The following CD226 variants were observed in gnomAD, a reference collection of about 807,000 sequenced individuals.
CD226 encodes the protein CD226 antigen.
A neutral mutation model predicts 34.9 loss-of-function variants in CD226; 24 were observed. The ratio of observed to expected loss-of-function variants is 0.69; its 90% CI spans 0.50 to 0.97. The LOEUF (loss-of-function observed/expected upper bound fraction) is 0.97, where lower values mean the gene tolerates loss of function less well. CD226 is among the 50% of genes least tolerant of loss of function. The pLI, the probability that CD226 is intolerant of heterozygous loss-of-function variation, is 0.00. For synonymous variants in CD226, 148 were observed against 147.4 expected (o/e 1.00, Z -0.03); for missense variants, 397 against 412.7 (o/e 0.96, Z 0.33).
rs79926293 is a variant in CD226 at position 69,889,705 on chromosome 18, T to C, written c.727+5996A>G. Among the ~76,000 whole-genome samples, 959 of 152,322 alleles carry C rather than the reference T, an allele frequency of 6.3e-3. 32 individuals are homozygous for C. In the East Asian group the frequency reaches 0.093, roughly 15 times the overall value. On this transcript the variant is annotated intron_variant, in intron 3 of 5. Coordinates refer to ENST00000582621, the MANE Select transcript of CD226 (RefSeq NM_001303618.2). ...ATCTACAGGCAAGATTTATAATCTGTATAAATAAGATGTATCATCTATATA... is the reference window on the plus strand; with the variant it reads ...ATCTACAGGCAAGATTTATAATCTGCATAAATAAGATGTATCATCTATATA...
In CD226 at chr18:69,946,675, G is replaced by A. The variant is rs1161237961; in HGVS notation, c.382+59C>T. The A allele has an allele frequency of 3.5e-6, 4 of 1,148,320 alleles. No individual in the cohort carries two copies. In the East Asian group the frequency reaches 9.4e-5, roughly 27 times the overall value. 71.1% of individuals were successfully genotyped at this position (1,148,320 alleles called of 1,614,324 possible). ...CTATAGCTTCTACTTGGGCTTTATA[G>A]AAATAAATGTTGTAAGTGGATAAAA... On this transcript the variant is annotated intron_variant, in intron 2 of 5. Coordinates refer to ENST00000582621, the MANE Select transcript of CD226 (RefSeq NM_001303618.2).
In CD226 at chr18:69,947,063, C is replaced by A. The variant is rs1274908347; in HGVS notation, c.53G>T (p.Cys18Phe). Residue 18 changes from cysteine (C) to phenylalanine (F), a missense_variant, in exon 2 of 6, where the codon TGT becomes TTT. Coordinates refer to ENST00000582621, the MANE Select transcript of CD226 (RefSeq NM_001303618.2). ...LALLHVYRAL[C>F]EEVLWHTSVP... ...TGATGTATGCCAAAGCACCTCTTCA[C>A]ATAGAGCTGAAATATACAACATCAC... 1.2e-6 allele frequency: 2 copies of A among 1,612,178 alleles called. No homozygotes were observed. The highest frequency in any genetic ancestry group is 1.7e-6 in the Non-Finnish European group (2 of 1,178,412).
chr18:69,955,849 C>T (rs1307493009), intron 1 of CD226, among the ~76,000 whole-genome samples: 1 of 110,780 alleles, frequency 9.0e-6, no homozygotes, highest in African/African-American at 3.4e-5. Context: ...GGCAAAGGAG[C>T]GAGACTCCAT....
At chr18:69,867,750 T>C (rs1467214511) in intron 4 of CD226, among the ~76,000 whole-genome samples, 1 of 152,228 alleles carries the variant, frequency 6.6e-6, no homozygotes, top group African/African-American at 2.4e-5. Context: ...TAAGACATTT[T>C]CCACAATTAA....
chr18:69,920,417 A>G (rs188899696), intron 2 of CD226, among the ~76,000 whole-genome samples: 90 of 152,306 alleles, frequency 5.9e-4, no homozygotes, highest in African/African-American at 2.1e-3. Context: ...TGCTTCATGG[A>G]GTTTATAATA....
At position 69,947,482 on chromosome 18, in the gene CD226, G is replaced by A. The variant is rs2055808663; in HGVS notation, c.-76C>T. 2.3e-6 allele frequency: 2 copies of A among 855,348 alleles called. No homozygotes were observed. The highest frequency in any genetic ancestry group is 3.7e-6 in the Non-Finnish European group (2 of 535,710). The allele number at this position is 855,348 out of a possible 1,614,324, so 53.0% of individuals were successfully genotyped here. ...TTATAATGTGACATGCAGATCCCCA[G>A]CACAATGCAGTTTCCTTCCTCTCAG... is the stretch of plus-strand genomic sequence containing the variant. On this transcript the variant is annotated 5_prime_UTR_variant, in exon 1 of 6. Coordinates refer to ENST00000582621, the MANE Select transcript of CD226 (RefSeq NM_001303618.2).
intron 2 of CD226, among the ~76,000 whole-genome samples, chr18:69,908,659 A>G (rs2055285747): frequency 6.6e-6 from 1 of 151,720 alleles, no homozygotes; most frequent in Admixed American, 6.6e-5. Flanking sequence ...CTATATAACT[A>G]ACATATAAAT....
intron 5 of CD226, 72 bp from the exon 6 acceptor site, chr18:69,864,511 T>C: frequency 2.7e-6 from 4 of 1,458,204 alleles, no homozygotes; most frequent in Non-Finnish European, 3.8e-6. Flanking sequence ...ATTCAAAACA[T>C]ACCTCTCATA....
intron 2 of CD226, among the ~76,000 whole-genome samples, chr18:69,906,578 C>T (rs1216375782): frequency 6.6e-6 from 1 of 152,194 alleles, no homozygotes; most frequent in Non-Finnish European, 1.5e-5. Context: ...CCTTATGGCT[C>T]TCTCCTGAAA....
Position 69,946,811 on chromosome 18 carries a change from T to A in CD226, c.305A>T (p.Asp102Val), listed in dbSNP as rs545827134. 1 of 1,613,968 alleles carries A rather than the reference T, an allele frequency of 6.2e-7. No homozygotes were observed. Among genetic ancestry groups the A allele is most frequent in the South Asian group, 1.1e-5 (1 of 91,068 alleles). Residue 102 changes from aspartate to valine, a missense_variant, in exon 2 of 6, where the codon GAT becomes GTT. Coordinates refer to ENST00000582621, the MANE Select transcript of CD226 (RefSeq NM_001303618.2). ...AAGAGAGCAGGAATAGTAGCCAACA[T>A]CATCTTCAGAGGCATTCCGAAAGAA... Reference protein sequence around the residue: ...TLFFRNASEDDVGYYSCSLYT... With the variant: ...TLFFRNASEDVVGYYSCSLYT...
intron 2 of CD226, among the ~76,000 whole-genome samples, chr18:69,907,085 C>T (rs1420849522): frequency 2.0e-5 from 3 of 152,162 alleles, no homozygotes; most frequent in Admixed American, 6.5e-5. Context: ...CCCTAGACTT[C>T]GCTGGATCCT....
chr18:69,880,353 A>AAGGAAGGAAGGAAGG (rs1555678454), intron 3 of CD226, among the ~76,000 whole-genome samples: 161 of 118,636 alleles, frequency 1.4e-3, no homozygotes, highest in African/African-American at 5.3e-3. Context: ...AGAAAGAAAG[A>AAGGAAGGAAGGAAGG]AAGAAAGGAA....
At chr18:69,869,060 TG>T (rs1442252348) in intron 4 of CD226, among the ~76,000 whole-genome samples, 7 of 152,212 alleles carry the variant, frequency 4.6e-5, no homozygotes, top group Admixed American at 2.6e-4. Context: ...TTGGTGGGAA[TG>T]TAAATTAGTT....
chr18:69,911,769 T>C (rs917101435), intron 2 of CD226, among the ~76,000 whole-genome samples: 14 of 152,352 alleles, frequency 9.2e-5, no homozygotes, highest in Middle Eastern at 3.4e-3. Context: ...TACTTTGGTA[T>C]ACATTTTTAA....
intron 2 of CD226, among the ~76,000 whole-genome samples, chr18:69,917,358 T>A (rs2145300658): frequency 6.6e-6 from 1 of 152,252 alleles, no homozygotes; most frequent in East Asian, 1.9e-4. Context: ...CCATCTCACG[T>A]CTGAACTCTG....
chr18:69,927,549 C>T (rs573207457), intron 2 of CD226, among the ~76,000 whole-genome samples: 1 of 152,132 alleles, frequency 6.6e-6, no homozygotes, highest in Non-Finnish European at 1.5e-5. Flanking sequence ...TCCCATCCCC[C>T]ACCCCCGACA....
rs945762979 is a variant in CD226 at position 69,860,444 on chromosome 18, C to G, written c.*3870G>C. ...TTATTACTCATACTTCCAAATGGAC[C>G]TTTTCTTACATCTTACAAGATAGTT... On this transcript the variant is annotated 3_prime_UTR_variant, in exon 6 of 6. Transcript: ENST00000582621. 2 of 152,122 alleles carry G rather than the reference C, an allele frequency of 1.3e-5. No homozygotes were observed. The highest frequency in any genetic ancestry group is 1.3e-4 in the Admixed American group (2 of 15,264). 9.4% of individuals were successfully genotyped at this position (152,122 alleles called of 1,614,324 possible).
chr18:69,877,719 G>A (rs957698219), intron 3 of CD226, among the ~76,000 whole-genome samples: 11 of 152,172 alleles, frequency 7.2e-5, no homozygotes, highest in African/African-American at 1.9e-4. Context: ...GCCAGGACCC[G>A]TGGATGAAAA....
upstream of CD226, among the ~76,000 whole-genome samples, chr18:69,958,422 A>G (rs1365242147): frequency 6.6e-6 from 1 of 152,072 alleles, no homozygotes; most frequent in Non-Finnish European, 1.5e-5. Context: ...TTTTTGCCTC[A>G]ATTTTCGATT....
Sources: allele counts gnomAD v4.1 joint callset (sites outside exome capture counted in the v4.1 genomes callset), GRCh38; gene constraint gnomAD v4.1.1; transcripts MANE v1.5; gene names NCBI Gene and HGNC (gene_info 2026-07-23, HGNC 2026-07-21).